MYOCD: variants seen among roughly 807,000 people sequenced by gnomAD.
The protein encoded by MYOCD is myocardin.
Under a neutral mutation model 96.1 loss-of-function variants are expected in MYOCD, and 32 were observed. The ratio of observed to expected loss-of-function variants is 0.33; its 90% CI spans 0.25 to 0.45. The LOEUF (loss-of-function observed/expected upper bound fraction) is 0.45, where lower values mean the gene tolerates loss of function less well. MYOCD is among the 20% of genes least tolerant of loss of function. The probability of loss-of-function intolerance (pLI) is 1.00; values close to 1 mark genes in which losing one functional copy is unlikely to be tolerated. For synonymous variants in MYOCD, 469 were observed against 469.0 expected, an observed-to-expected ratio of 1.00 and a Z score of 0.00; for missense variants, 1,133 against 1,200.6, an observed-to-expected ratio of 0.94 and a Z score of 0.83.
intron 2 of MYOCD, among the ~76,000 whole-genome samples, chr17:12,713,362 C>T (rs1382283720): frequency 2.6e-5 from 4 of 152,116 alleles, no homozygotes; most frequent in African/African-American, 9.7e-5. Context: ...AAGAATTGAA[C>T]AGCCTCAGAG....
intron 5 of MYOCD, among the ~76,000 whole-genome samples, chr17:12,724,363 G>A (rs746047101): frequency 2.0e-4 from 30 of 152,120 alleles, no homozygotes; most frequent in African/African-American, 5.5e-4. Flanking sequence ...ATTATGTATC[G>A]TTGGCAATAC....
intron 9 of MYOCD, among the ~76,000 whole-genome samples, chr17:12,750,358 C>T (rs936707262): frequency 5.3e-5 from 8 of 152,126 alleles, no homozygotes; most frequent in Admixed American, 1.3e-4. Context: ...AAGGACCATA[C>T]TTTGAATAGC....
chr17:12,669,920 T>C (rs1055844602), intron 1 of MYOCD, among the ~76,000 whole-genome samples: 2 of 152,182 alleles, frequency 1.3e-5, no homozygotes, highest in African/African-American at 4.8e-5. Context: ...CTTGAGATTC[T>C]CTGGGTCCCC....
chr17:12,699,055 A>T (rs2030929978), intron 1 of MYOCD, among the ~76,000 whole-genome samples: 1 of 149,468 alleles, frequency 6.7e-6, no homozygotes, highest in African/African-American at 2.5e-5. Context: ...GACCCTCTTT[A>T]ATGTCATTCT....
rs1251488760 is a variant in MYOCD, at chr17:12,717,332, T to C, written c.178-14T>C. 1 of 1,611,162 alleles carries C rather than the reference T, an allele frequency of 6.2e-7. No homozygotes were observed. ...AGGTAAAACTAGGTGATTTCTCTTGTTTGGGTTCTACAGGCTAAAAATTCC... is the reference window on the plus strand; with the variant it reads ...AGGTAAAACTAGGTGATTTCTCTTGCTTGGGTTCTACAGGCTAAAAATTCC... On this transcript the variant is annotated splice_polypyrimidine_tract_variant and intron_variant, in intron 3 of 13. Coordinates refer to ENST00000425538, the MANE Select transcript of MYOCD (RefSeq NM_001146312.3).
At chr17:12,724,218 G>A (rs1377504023) in intron 5 of MYOCD, among the ~76,000 whole-genome samples, 2 of 152,082 alleles carry the variant, frequency 1.3e-5, no homozygotes, top group Non-Finnish European at 2.9e-5. Flanking sequence ...ATTCTGTTCT[G>A]TGCCTGTAAA....
intron 10 of MYOCD, among the ~76,000 whole-genome samples, chr17:12,755,610 T>C (rs1464109570): frequency 6.6e-6 from 1 of 151,796 alleles, no homozygotes; most frequent in Non-Finnish European, 1.5e-5. Flanking sequence ...GGCGCGATGG[T>C]TCATGCCTGT....
At position 12,744,183 on chromosome 17, in the gene MYOCD, T is replaced by C. The variant is rs2032592440; in HGVS notation, c.718T>C (p.Ser240Pro). The change falls in exon 8 of 14, where the codon TCC becomes CCC. Residue 240 changes from serine (S) to proline (P), a missense_variant and splice_region_variant. By Grantham distance (74) the Ser-to-Pro change is moderately conservative. Transcript: ENST00000425538. ...TGCAATTTCCTCATCTTCTTTGCAG[T>C]CCAAATCCTTGGGTGACAGTAAGAA... ...TPIAVHAAVK[S>P]KSLGDSKNRH... 1 of 1,613,878 alleles carries C rather than the reference T, an allele frequency of 6.2e-7. No homozygotes were observed. Among genetic ancestry groups the C allele is most frequent in the African/African-American group, 1.3e-5 (1 of 74,878 alleles).
intron 9 of MYOCD, among the ~76,000 whole-genome samples, chr17:12,750,871 A>G (rs2032834145): frequency 6.6e-6 from 1 of 152,140 alleles, no homozygotes; most frequent in South Asian, 2.1e-4. Context: ...GAAAAGCTGG[A>G]TCATATATCC....
chr17:12,739,328 G>C lies in MYOCD; in HGVS notation c.717G>C (p.Lys239Asn). 2 of 1,567,528 alleles carry C rather than the reference G, an allele frequency of 1.3e-6. No individual in the cohort carries two copies. The highest frequency in any genetic ancestry group is 8.6e-7 in the Non-Finnish European group (1 of 1,158,652). The change falls in exon 7 of 14, where the codon AAG (lysine) becomes AAC (asparagine). Residue 239 changes from lysine (K) to asparagine (N), a missense_variant and splice_region_variant. Lys to Asn is a moderately conservative substitution (Grantham distance 94). Transcript: ENST00000425538. ...CCATAGCCGTGCATGCTGCTGTAAA[G>C]GTACGGACACATCAGCCTCCAAGCC... ...STPIAVHAAVKSKSLGDSKNR... is the reference protein window; with the variant it reads ...STPIAVHAAVNSKSLGDSKNR...
rs1281236480 is a variant in MYOCD, at chr17:12,764,646, TCTC to T, written c.*1005_*1007del. On this transcript the variant is annotated 3_prime_UTR_variant, in exon 14 of 14. Coordinates refer to ENST00000425538, the MANE Select transcript of MYOCD (RefSeq NM_001146312.3). Reference sequence around the variant, plus strand: ...GACTATTACTTATGGGAGTCCAACTTCTCCTTTTGTTTTGTTATTATCAGTTTA... The same window carrying T: ...GACTATTACTTATGGGAGTCCAACTTCTTTTGTTTTGTTATTATCAGTTTA... The T allele has an allele frequency of 3.3e-5, 5 of 152,174 alleles. No homozygotes were observed. Among genetic ancestry groups the T allele is most frequent in the Admixed American group, 2.6e-4 (4 of 15,270 alleles). The allele number at this position is 152,174 out of a possible 1,614,324, so 9.4% of individuals were successfully genotyped here.
Position 12,766,410 on chromosome 17 carries a change from C to T in MYOCD, c.*2766C>T, listed in dbSNP as rs1350849611. 2 of 152,130 alleles carry T rather than the reference C, an allele frequency of 1.3e-5. No homozygotes were observed. The highest frequency in any genetic ancestry group is 4.8e-5 in the African/African-American group (2 of 41,430). The allele number at this position is 152,130 out of a possible 1,614,324, so 9.4% of individuals were successfully genotyped here. A position where few individuals can be genotyped will look rare whatever the true frequency, so the allele number is the denominator to read the frequency against. On this transcript the variant is annotated 3_prime_UTR_variant, in exon 14 of 14. Coordinates refer to ENST00000425538, the MANE Select transcript of MYOCD (RefSeq NM_001146312.3). ...TCCTATATCCTAATGCAAACCAACA[C>T]AGTTAAAAGAGCAGATCTCTGGATA... is the stretch of plus-strand genomic sequence containing the variant.
chr17:12,677,996 G>A (rs1452530613), intron 1 of MYOCD, among the ~76,000 whole-genome samples: 4 of 150,000 alleles, frequency 2.7e-5, no homozygotes, highest in African/African-American at 9.8e-5. Context: ...AGGTTCTAGC[G>A]ATTCTCCTGC....
chr17:12,743,486 CTTTTTTTTTTTT>C (rs373893604), intron 7 of MYOCD, among the ~76,000 whole-genome samples: 2 of 98,338 alleles, frequency 2.0e-5, no homozygotes, highest in African/African-American at 4.0e-5. Context: ...TATGAAAGTT[CTTTTTTTTTTTT>C]TTTTTTTTTT....
chr17:12,705,932 C>T (rs1440184545), intron 2 of MYOCD: 2 of 152,176 alleles, frequency 1.3e-5, no homozygotes, highest in African/African-American at 4.8e-5. Flanking sequence ...ACTGTTACTT[C>T]AGAGTTCAGT....
chr17:12,744,079 C>T (rs1597800433), intron 7 of MYOCD, 104 bp from the exon 8 acceptor site: 1 of 1,357,114 alleles, frequency 7.4e-7, no homozygotes, highest in East Asian at 2.3e-5. Flanking sequence ...TTTCTGAGAT[C>T]CAAGAATGGC....
chr17:12,669,092 T>A (rs1909533513), intron 1 of MYOCD, among the ~76,000 whole-genome samples: 1 of 152,246 alleles, frequency 6.6e-6, no homozygotes, highest in South Asian at 2.1e-4. Flanking sequence ...ATGAATGTAG[T>A]AATTTGTGCT....
At chr17:12,734,504 C>CATTT (rs2032279865) in intron 5 of MYOCD, among the ~76,000 whole-genome samples, 1 of 65,470 alleles carries the variant, frequency 1.5e-5, no homozygotes, top group Non-Finnish European at 2.6e-5. Flanking sequence ...ACACATGATC[C>CATTT]TTTTTTTTTT....
chr17:12,754,437 G>A (rs139652224), intron 10 of MYOCD, among the ~76,000 whole-genome samples: 8 of 152,156 alleles, frequency 5.3e-5, no homozygotes, highest in Non-Finnish European at 7.3e-5. Context: ...AGCCAGGGAC[G>A]TTTAGCAAAA....
Sources: gnomAD v4.1 joint callset for allele counts (sites outside exome capture counted in the v4.1 genomes callset) on GRCh38, gnomAD v4.1.1 for gene constraint, MANE v1.5 for transcripts, NCBI Gene and HGNC (gene_info 2026-07-23, HGNC 2026-07-21) for gene names.